Variants in ETF1 observed in about 807,000 individuals in gnomAD.
ETF1 encodes eukaryotic translation termination factor 1.
A neutral mutation model predicts 55.1 loss-of-function variants in ETF1; 4 were observed. The ratio of observed to expected loss-of-function variants is 0.07; its 90% CI spans 0.04 to 0.17. The LOEUF is 0.17. Among genes scored for constraint, ETF1 ranks in the 10% least tolerant of loss-of-function variants. The probability of loss-of-function intolerance (pLI) is 1.00; values close to 1 mark genes in which losing one functional copy is unlikely to be tolerated. For missense variants in ETF1, 142 were observed against 523.6 expected (o/e 0.27, Z 7.11); for synonymous variants, 157 against 182.3 (o/e 0.86, Z 1.12).
chr5:138,532,962 C>T (rs1264604186), intron 2 of ETF1, among the ~76,000 whole-genome samples: 2 of 149,874 alleles, frequency 1.3e-5, no homozygotes, highest in Non-Finnish European at 3.0e-5. Context: ...TTTTTTGAGA[C>T]GGAGTCTCAC....
intron 2 of ETF1, among the ~76,000 whole-genome samples, chr5:138,531,694 T>G (rs1290304467): frequency 1.3e-5 from 2 of 152,076 alleles, no homozygotes; most frequent in Non-Finnish European, 2.9e-5. Flanking sequence ...ATGGCCAAAT[T>G]TTTCACCACT....
intron 2 of ETF1, among the ~76,000 whole-genome samples, chr5:138,537,537 AAT>A (rs1435384544): frequency 6.6e-6 from 1 of 152,152 alleles, no homozygotes; most frequent in African/African-American, 2.4e-5. Flanking sequence ...CAAAACTTAA[AAT>A]AGTCTAGTTC....
chr5:138,512,247 T>G (rs1764834032), intron 6 of ETF1, among the ~76,000 whole-genome samples: 1 of 8,294 alleles, frequency 1.2e-4, no homozygotes, highest in Non-Finnish European at 2.4e-4. Flanking sequence ...TATATATATA[T>G]ATATATATAT....
In ETF1 at chr5:138,507,750, C is replaced by T. The variant is rs1764609805; in HGVS notation, c.*555G>A. 1 of 152,886 alleles carries T rather than the reference C, an allele frequency of 6.5e-6. No homozygotes were observed. Among genetic ancestry groups the T allele is most frequent in the Admixed American group, 6.5e-5 (1 of 15,310 alleles). The allele number at this position is 152,886 out of a possible 1,614,324, so 9.5% of individuals were successfully genotyped here. A position where few individuals can be genotyped will look rare whatever the true frequency, so the allele number is the denominator to read the frequency against. ...GTTGAAAGTGCCTCCTATTAGCTCA[C>T]CCTTTCAACATTAAACAGAGACCAA... On this transcript the variant is annotated 3_prime_UTR_variant, in exon 11 of 11. Transcript: ENST00000360541.
chr5:138,535,337 G>C (rs889269361), intron 2 of ETF1, among the ~76,000 whole-genome samples: 7 of 124,524 alleles, frequency 5.6e-5, no homozygotes, highest in African/African-American at 1.8e-4. Flanking sequence ...TGAATAATTG[G>C]CTTTTTTTTT....
At chr5:138,518,637 G>A (rs186657552) in intron 3 of ETF1, 55 bp downstream of exon 3, 6 of 1,483,754 alleles carry the variant, frequency 4.0e-6, no homozygotes, top group Non-Finnish European at 4.7e-6. Flanking sequence ...CAGCATCACA[G>A]TATAAAACAT....
At chr5:138,522,071 G>C (rs1253543013) in intron 2 of ETF1, among the ~76,000 whole-genome samples, 2 of 151,942 alleles carry the variant, frequency 1.3e-5, no homozygotes, top group African/African-American at 4.8e-5. Context: ...AAACTTTTAG[G>C]CTGCTCTACA....
chr5:138,510,498 C>T, intron 9 of ETF1, 67 bp downstream of exon 9: 2 of 1,237,510 alleles, frequency 1.6e-6, no homozygotes, highest in African/African-American at 1.5e-5. Context: ...ACCCTCTACA[C>T]AGCCAGTACT....
chr5:138,523,815 C>T (rs1765336525), intron 2 of ETF1, among the ~76,000 whole-genome samples: 1 of 152,084 alleles, frequency 6.6e-6, no homozygotes, highest in Non-Finnish European at 1.5e-5. Flanking sequence ...ACTGGTAATC[C>T]CAGCACTTTG....
At chr5:138,508,417 C>T in intron 10 of ETF1, 30 bp from the exon 11 acceptor site, 1 of 1,612,006 alleles carries the variant, frequency 6.2e-7, no homozygotes, top group Non-Finnish European at 8.5e-7. Context: ...GGTAAATTAC[C>T]TGTGTTCATG....
At chr5:138,541,593 C>T (rs1352942208) in intron 2 of ETF1, 11 of 1,531,256 alleles carry the variant, frequency 7.2e-6, no homozygotes, top group Non-Finnish European at 9.6e-6. Context: ...CTTGGAGGGG[C>T]TGTCATTCTA....
At chr5:138,508,596 G>GGCTAGGGCT in intron 10 of ETF1, 73 bp downstream of exon 10, 1 of 1,594,038 alleles carries the variant, frequency 6.3e-7, no homozygotes. Flanking sequence ...CCGGAAGCAG[G>GGCTAGGGCT]GCTAGGGCTA....
Position 138,511,505 on chromosome 5 carries a change from C to T in ETF1, c.832G>A (p.Val278Met). 1.2e-6 allele frequency: 2 copies of T among 1,613,512 alleles called. No individual in the cohort carries two copies. The highest frequency in any genetic ancestry group is 2.2e-5 in the East Asian group (1 of 44,840). ...IELSTEVLSNVKFIQEKKLIG... is the reference protein window; with the variant it reads ...IELSTEVLSNMKFIQEKKLIG... ...AATTTCTTCTCTTGAATGAATTTCA[C>T]GTTGGAGAGGACTTCAGTAGATAAC... Residue 278 changes from valine (V) to methionine (M), a missense_variant, in exon 7 of 11, where the codon GTG becomes ATG. Coordinates refer to ENST00000360541, the MANE Select transcript of ETF1 (RefSeq NM_004730.4).
chr5:138,527,628 C>G (rs1765528797), intron 2 of ETF1, among the ~76,000 whole-genome samples: 1 of 152,202 alleles, frequency 6.6e-6, no homozygotes, highest in South Asian at 2.1e-4. Flanking sequence ...TGCCACCTAC[C>G]TGACACAGGG....
At chr5:138,515,436 A>G (rs186546328) in intron 4 of ETF1, among the ~76,000 whole-genome samples, 1 of 152,342 alleles carries the variant, frequency 6.6e-6, no homozygotes, top group East Asian at 1.9e-4. Context: ...GAAAAAAGAA[A>G]AAGAAAAAGA....
At chr5:138,535,318 G>A (rs1212436952) in intron 2 of ETF1, among the ~76,000 whole-genome samples, 1 of 141,072 alleles carries the variant, frequency 7.1e-6, no homozygotes, top group Non-Finnish European at 1.5e-5. Flanking sequence ...GGAAACTGAA[G>A]CCCATGGATG....
chr5:138,524,798 G>A (rs901339487), intron 2 of ETF1, among the ~76,000 whole-genome samples: 1 of 151,838 alleles, frequency 6.6e-6, no homozygotes, highest in Non-Finnish European at 1.5e-5. Context: ...GGATGGTCTT[G>A]ATCTCCTGAC....
intron 4 of ETF1, among the ~76,000 whole-genome samples, chr5:138,514,947 A>G (rs1322448416): frequency 6.6e-6 from 1 of 152,100 alleles, no homozygotes; most frequent in African/African-American, 2.4e-5. Context: ...TACCCATTCC[A>G]TTTTATTTTT....
chr5:138,509,932 T>G (rs1764699455), intron 9 of ETF1, among the ~76,000 whole-genome samples: 1 of 145,698 alleles, frequency 6.9e-6, no homozygotes, highest in East Asian at 2.0e-4. Context: ...TGAGGGCTTG[T>G]GCCTGTACTC....
Sources: allele counts gnomAD v4.1 joint callset (sites outside exome capture counted in the v4.1 genomes callset), GRCh38; gene constraint gnomAD v4.1.1; transcripts MANE v1.5; gene names NCBI Gene and HGNC (gene_info 2026-07-23, HGNC 2026-07-21).